ITPKB: variants seen among roughly 807,000 people sequenced by gnomAD.
ITPKB encodes inositol-trisphosphate 3-kinase B.
ITPKB carries 13 observed loss-of-function variants against 69.4 expected under a neutral mutation model. That is an observed-to-expected ratio of 0.19 (90% CI 0.12 to 0.30). ITPKB has a LOEUF of 0.30. Ranked by LOEUF, ITPKB falls within the 10% of genes least tolerant of loss-of-function variation. The probability of loss-of-function intolerance (pLI) is 1.00; values close to 1 mark genes in which losing one functional copy is unlikely to be tolerated. For synonymous variants in ITPKB, 584 were observed against 513.7 expected, an observed-to-expected ratio of 1.14 and a Z score of -1.85; for missense variants, 1,240 against 1,250.5, an observed-to-expected ratio of 0.99 and a Z score of 0.13.
chr1:226,649,861 A>C (rs1313539035), intron 2 of ITPKB, among the ~76,000 whole-genome samples: 1 of 152,046 alleles, frequency 6.6e-6, no homozygotes, highest in African/African-American at 2.4e-5. Flanking sequence ...AACAAAAAAA[A>C]AACATATTTT....
Position 226,738,456 on chromosome 1 carries a change from GT to G in ITPKB, c.-206+584del, listed in dbSNP as rs371684815. On this transcript the variant is annotated intron_variant, in intron 1 of 7. Transcript: ENST00000429204. This position sits in a 1 kb window ranked among gnomAD's most constrained non-coding sequence, Gnocchi z 4.2. ...CCCTGCCGTCGTCCCCTATGGGGGG[GT>G]GTCTGTGAGTGTGTGTGTATACACG... 1.2e-4 allele frequency among the ~76,000 whole-genome samples: 19 copies of G among 152,220 alleles called. No individual in the cohort carries two copies. The highest frequency in any genetic ancestry group is 4.1e-4 in the African/African-American group (17 of 41,466).
At position 226,738,389 on chromosome 1, in the gene ITPKB, G is replaced by A. The variant is rs567599711; in HGVS notation, c.-206+652C>T. On this transcript the variant is annotated intron_variant, in intron 1 of 7. Transcript: ENST00000429204. This position sits in a 1 kb window ranked among gnomAD's most constrained non-coding sequence, Gnocchi z 4.2. ...TGTTTTGTGAGTGTGGGCGCACCGAGGTTCTACACGTTCTCTTTACCGGAA... is the reference window on the plus strand; with the variant it reads ...TGTTTTGTGAGTGTGGGCGCACCGAAGTTCTACACGTTCTCTTTACCGGAA... Among the ~76,000 whole-genome samples, 4 of 95,210 alleles carry A rather than the reference G, an allele frequency of 4.2e-5. No homozygotes were observed. The highest frequency in any genetic ancestry group is 6.3e-4 in the South Asian group (2 of 3,188). The allele number at this position is 95,210 out of a possible 152,430, so 62.5% of individuals were successfully genotyped here. A position where few individuals can be genotyped will look rare whatever the true frequency, so the allele number is the denominator to read the frequency against.
At chr1:226,698,450 G>A (rs1199342575) in intron 2 of ITPKB, among the ~76,000 whole-genome samples, 1 of 152,184 alleles carries the variant, frequency 6.6e-6, no homozygotes, top group African/African-American at 2.4e-5. Flanking sequence ...TCGTAAGACT[G>A]GAAAGTGTGT....
rs572536360 is a variant in ITPKB, at chr1:226,671,008, C to T, written c.1933-22237G>A. On this transcript the variant is annotated intron_variant, in intron 2 of 7. Coordinates refer to ENST00000429204, the MANE Select transcript of ITPKB (RefSeq NM_002221.4). ...AAGAAACTGCTACCATATCTTACAC[C>T]TTCAGTGCTCCTTCCTATATTTGAT... Among the ~76,000 whole-genome samples the T allele has an allele frequency of 3.3e-5, 5 of 152,310 alleles. No individual in the cohort carries two copies. The South Asian group carries it at 1.0e-3, about 32-fold the overall frequency.
Position 226,647,363 on chromosome 1 carries a change from C to A in ITPKB, c.2050G>T (p.Ala684Ser), listed in dbSNP as rs762657431. 1.2e-6 allele frequency: 2 copies of A among 1,613,858 alleles called. No individual in the cohort carries two copies. The highest frequency in any genetic ancestry group is 4.5e-5 in the East Asian group (2 of 44,866). Reference sequence around the variant, plus strand: ...TGCTTCTTCAGGATCCTGCCATTGGCAGCTGCCTTGAAACTCCCTGGAGAG... The same window carrying A: ...TGCTTCTTCAGGATCCTGCCATTGGAAGCTGCCTTGAAACTCCCTGGAGAG... ...AGHAGSFKAA[A>S]NGRILKKHCE... Residue 684 changes from alanine (A) to serine (S), a missense_variant, in exon 4 of 8, where the codon GCC becomes TCC. Physicochemically the swap from Ala to Ser is moderately conservative, Grantham distance 99. This residue lies in a region of ITPKB where 248 missense variants were observed against 396.7 expected (regional missense o/e 0.63). Transcript: ENST00000429204.
At chr1:226,706,933 A>G (rs149390083) in intron 2 of ITPKB, among the ~76,000 whole-genome samples, 67 of 152,262 alleles carry the variant, frequency 4.4e-4, no homozygotes, top group African/African-American at 1.3e-3. Context: ...CTCTCAGCCA[A>G]ATTTCTTCCT....
intron 2 of ITPKB, among the ~76,000 whole-genome samples, chr1:226,703,708 G>A (rs1656735440): frequency 6.6e-6 from 1 of 152,234 alleles, no homozygotes; most frequent in Admixed American, 6.5e-5. Flanking sequence ...CTGCACCCCT[G>A]GCTTGCGCTC....
At chr1:226,636,778 G>T (rs139231847) in intron 7 of ITPKB, among the ~76,000 whole-genome samples, 2,310 of 149,754 alleles carry the variant, frequency 0.015, 70 homozygotes, top group African/African-American at 0.055. Flanking sequence ...GTGTGTGTGT[G>T]TGTGTGTGTG....
chr1:226,729,191 A>G (rs1657512824), intron 2 of ITPKB, among the ~76,000 whole-genome samples: 6 of 152,104 alleles, frequency 3.9e-5, no homozygotes, highest in Admixed American at 3.9e-4. Context: ...TGTGGATATT[A>G]AAGGAAATGA....
Position 226,736,682 on chromosome 1 carries a change from C to T in ITPKB, c.777G>A (p.Lys259=). 1 of 1,613,070 alleles carries T rather than the reference C, an allele frequency of 6.2e-7. No homozygotes were observed. The highest frequency in any genetic ancestry group is 1.7e-5 in the Admixed American group (1 of 60,026). Residue 259 remains lysine, a synonymous_variant, in exon 2 of 8, where the codon AAG becomes AAA. Transcript: ENST00000429204. ...CACAGCGGGGACTGGCAGGGATACCCTTCTCCATCCTTACAAAAGCGGATG... is the reference window on the plus strand; with the variant it reads ...CACAGCGGGGACTGGCAGGGATACCTTTCTCCATCCTTACAAAAGCGGATG... ...QGPSAFVRME[K]GIPASPRCGS... is the part of the protein sequence containing the mutation.
At position 226,732,303 on chromosome 1, in the gene ITPKB, A is replaced by T. The variant is rs781548995; in HGVS notation, c.1932+3224T>A. ...GCCCAGGCTGCAGTGCAGTGGTACA[A>T]TCTCGCCTCATTGCAACCTCTACCT... On this transcript the variant is annotated intron_variant, in intron 2 of 7. Coordinates refer to ENST00000429204, the MANE Select transcript of ITPKB (RefSeq NM_002221.4). Among the ~76,000 whole-genome samples, 33 of 152,150 alleles carry T rather than the reference A, an allele frequency of 2.2e-4. 1 individual carries two copies. Among genetic ancestry groups the T allele is most frequent in the South Asian group, 2.1e-4 (1 of 4,832 alleles).
intron 3 of ITPKB, 124 bp from the exon 4 acceptor site, chr1:226,647,504 G>A: frequency 1.4e-6 from 1 of 694,530 alleles, no homozygotes; most frequent in South Asian, 1.7e-5. Context: ...GTGTGTCTAT[G>A]TCCCTGCTAT....
Position 226,634,471 on chromosome 1 carries a change from A to G in ITPKB, c.*200T>C, listed in dbSNP as rs1668787489. Reference sequence around the variant, plus strand: ...TCTTCTAGTAGGTGACCCTCTCTACAAAAAGCAGTGCAAACACCACCTCCA... The same window carrying G: ...TCTTCTAGTAGGTGACCCTCTCTACGAAAAGCAGTGCAAACACCACCTCCA... On this transcript the variant is annotated 3_prime_UTR_variant, in exon 8 of 8. Transcript: ENST00000429204. This position sits in a 1 kb window ranked among gnomAD's most constrained non-coding sequence, Gnocchi z 6.3. The G allele has an allele frequency of 8.6e-6, 5 of 582,410 alleles. No homozygotes were observed. Among genetic ancestry groups the G allele is most frequent in the South Asian group, 6.1e-5 (3 of 48,952 alleles). The allele number at this position is 582,410 out of a possible 1,614,324, so 36.1% of individuals were successfully genotyped here.
intron 2 of ITPKB, among the ~76,000 whole-genome samples, chr1:226,679,027 AG>A (rs1655995042): frequency 1.3e-5 from 2 of 152,222 alleles, no homozygotes; most frequent in Admixed American, 6.5e-5. Flanking sequence ...CACTCAGGCT[AG>A]GGGAGTCCCT....
intron 2 of ITPKB, among the ~76,000 whole-genome samples, chr1:226,715,047 T>A (rs1558094099): frequency 6.6e-6 from 1 of 152,216 alleles, no homozygotes; most frequent in South Asian, 2.1e-4. Context: ...TCTAAGAATA[T>A]CTTGGTTCAT....
rs1162485105 is a variant in ITPKB, at chr1:226,738,509, G to T, written c.-206+532C>A. Among the ~76,000 whole-genome samples the T allele has an allele frequency of 6.6e-6, 1 of 152,204 alleles. No individual in the cohort carries two copies. Among genetic ancestry groups the T allele is most frequent in the African/African-American group, 2.4e-5 (1 of 41,444 alleles). ...GTGTGTGTATACGCCGCACGCGCGC[G>T]GAGCGAGTCCGCTCTCAGCGCGCCC... On this transcript the variant is annotated intron_variant, in intron 1 of 7. Transcript: ENST00000429204. The surrounding 1 kb of genome is among the most constrained non-coding windows in gnomAD (Gnocchi z 4.2).
chr1:226,671,532 C>A (rs899949818), intron 2 of ITPKB, among the ~76,000 whole-genome samples: 21 of 152,214 alleles, frequency 1.4e-4, no homozygotes, highest in Non-Finnish European at 7.3e-5. Context: ...AACGAAGTCC[C>A]TATCCTTAAA....
chr1:226,654,855 G>A (rs1204867748), intron 2 of ITPKB, among the ~76,000 whole-genome samples: 4 of 152,120 alleles, frequency 2.6e-5, no homozygotes, highest in Admixed American at 6.5e-5. Flanking sequence ...AGCCTTTGTC[G>A]TTCATAAGGC....
In ITPKB at chr1:226,647,273, C is replaced by T. The variant is rs1427917874; in HGVS notation, c.2140G>A (p.Ala714Thr). The T allele has an allele frequency of 6.2e-7, 1 of 1,614,224 alleles. No individual in the cohort carries two copies. The highest frequency in any genetic ancestry group is 1.7e-5 in the Admixed American group (1 of 60,032). The change falls in exon 4 of 8, where the codon GCC (alanine) becomes ACC (threonine). Residue 714 changes from alanine to threonine, a missense_variant. Coordinates refer to ENST00000429204, the MANE Select transcript of ITPKB (RefSeq NM_002221.4). ...TCCTTCACCACATCCCCATGGTAGG[C>T]AGGTACGAAGGGCCTCAGCACATCC... ...MVDVLRPFVP[A>T]YHGDVVKDGE...
Sources: gnomAD v4.1 joint callset for allele counts (sites outside exome capture counted in the v4.1 genomes callset) on GRCh38, gnomAD v4.1.1 for gene constraint, gnomAD v4.1.1 regional missense constraint, Gnocchi (gnomAD v3.1) non-coding constraint, MANE v1.5 for transcripts, NCBI Gene and HGNC (gene_info 2026-07-23, HGNC 2026-07-21) for gene names.